Variants in RHOA observed in about 807,000 individuals in gnomAD.
RHOA encodes the protein transforming protein RhoA.
RHOA carries 3 observed loss-of-function variants against 17.5 expected under a neutral mutation model. That is an observed-to-expected ratio of 0.17 (90% CI 0.08 to 0.44). RHOA has a LOEUF of 0.44. Ranked by LOEUF, RHOA falls within the 20% of genes least tolerant of loss-of-function variation. The probability of loss-of-function intolerance (pLI) is 0.99; values close to 1 mark genes in which losing one functional copy is unlikely to be tolerated. For missense variants in RHOA, 56 were observed against 242.3 expected (o/e 0.23, Z 5.10); for synonymous variants, 98 against 88.4 (o/e 1.11, Z -0.61).
intron 3 of RHOA, 86 bp downstream of exon 3, chr3:49,368,342 C>T (rs149042948): frequency 2.0e-5 from 30 of 1,509,724 alleles, no homozygotes; most frequent in African/African-American, 2.8e-5. Context: ...AAGTTCATGT[C>T]TGCTTTTCAG....
chr3:49,409,414 A>G (rs1048565672), intron 1 of RHOA, among the ~76,000 whole-genome samples: 1 of 152,040 alleles, frequency 6.6e-6, no homozygotes, highest in Non-Finnish European at 1.5e-5. Flanking sequence ...AATAAATATA[A>G]AACTACAACT....
chr3:49,370,719 A>G (rs1306377956), intron 2 of RHOA, among the ~76,000 whole-genome samples: 4 of 152,102 alleles, frequency 2.6e-5, no homozygotes, highest in Middle Eastern at 3.2e-3. Flanking sequence ...GTCCCATTCA[A>G]CACTGCCCAG....
chr3:49,392,234 C>A (rs1381697969), intron 1 of RHOA, among the ~76,000 whole-genome samples: 1 of 152,138 alleles, frequency 6.6e-6, no homozygotes, highest in Non-Finnish European at 1.5e-5. Flanking sequence ...GAGCTCGAGA[C>A]CAGCCTGGGC....
At chr3:49,409,330 C>A (rs1393270011) in intron 1 of RHOA, among the ~76,000 whole-genome samples, 1 of 151,816 alleles carries the variant, frequency 6.6e-6, no homozygotes, top group Admixed American at 6.6e-5. Context: ...AGGAGGCAGA[C>A]GGTGCAGTGA....
intron 1 of RHOA, among the ~76,000 whole-genome samples, chr3:49,383,032 C>T (rs771988849): frequency 6.7e-6 from 1 of 149,716 alleles, no homozygotes; most frequent in Admixed American, 6.7e-5. Context: ...CCAGCCTGGG[C>T]GACAAGAGCA....
chr3:49,400,626 T>C (rs2048706847), intron 1 of RHOA, among the ~76,000 whole-genome samples: 1 of 151,850 alleles, frequency 6.6e-6, no homozygotes, highest in African/African-American at 2.4e-5. Flanking sequence ...GAGGCTGAGG[T>C]AGCTGGATCC....
In RHOA at chr3:49,405,569, G is replaced by A. The variant is rs74760096; in HGVS notation, c.-3+6251C>T. Among the ~76,000 whole-genome samples the A allele has an allele frequency of 7.8e-3, 1,188 of 152,248 alleles. 18 individuals carry two copies. The highest frequency in any genetic ancestry group is 0.026 in the African/African-American group (1,083 of 41,540). ...AGAAGAAAAAAACTGAATTACAAAG[G>A]AGACATACTACTGCCAAGGGTCTCA... On this transcript the variant is annotated intron_variant, in intron 1 of 4. Transcript: ENST00000418115.
At chr3:49,376,912 T>C (rs1415016990) in intron 1 of RHOA, among the ~76,000 whole-genome samples, 4 of 151,748 alleles carry the variant, frequency 2.6e-5, no homozygotes, top group African/African-American at 9.7e-5. Context: ...GCAGATCACC[T>C]GAGGTCAGGA....
rs372122347 is a variant in RHOA at position 49,360,206 on chromosome 3, G to A, written c.*3C>T. ...GCATAAGGGCTGTGCTTGCAGCAAG[G>A]TTTCACAAGACAAGGCACCCAGATT... On this transcript the variant is annotated 3_prime_UTR_variant, in exon 5 of 5. Transcript: ENST00000418115. The A allele has an allele frequency of 6.2e-7, 1 of 1,612,726 alleles. No individual in the cohort carries two copies. The highest frequency in any genetic ancestry group is 2.2e-5 in the East Asian group (1 of 44,862).
At chr3:49,389,187 A>C (rs958509550) in intron 1 of RHOA, among the ~76,000 whole-genome samples, 1 of 146,512 alleles carries the variant, frequency 6.8e-6, no homozygotes, top group Non-Finnish European at 1.5e-5. Flanking sequence ...ACAAAAATAC[A>C]AAAAAAAAAA....
chr3:49,371,919 T>C (rs142916859), intron 2 of RHOA, among the ~76,000 whole-genome samples: 6 of 152,276 alleles, frequency 3.9e-5, no homozygotes, highest in African/African-American at 1.2e-4. Flanking sequence ...AAAACATACA[T>C]ACTGCCACAG....
chr3:49,363,467 A>C (rs1284822314), intron 3 of RHOA, among the ~76,000 whole-genome samples: 1 of 151,972 alleles, frequency 6.6e-6, no homozygotes, highest in Non-Finnish European at 1.5e-5. Context: ...GGGCGTGGTG[A>C]CTCATACTTG....
intron 2 of RHOA, chr3:49,373,491 G>A (rs1575651800): frequency 6.5e-6 from 1 of 154,674 alleles, no homozygotes; most frequent in African/African-American, 2.4e-5. Flanking sequence ...TAGTTTTAGG[G>A]GTTTTTTCCT....
chr3:49,378,976 T>TA (rs1190789829), intron 1 of RHOA, among the ~76,000 whole-genome samples: 1 of 152,056 alleles, frequency 6.6e-6, no homozygotes, highest in Non-Finnish European at 1.5e-5. Context: ...CTAATCCAAT[T>TA]AAAAAATGAG....
intron 4 of RHOA, 135 bp downstream of exon 4, chr3:49,362,347 CCCAATTAATGAGGG>C: frequency 1.4e-6 from 1 of 706,964 alleles, no homozygotes; most frequent in East Asian, 2.8e-5. Context: ...CTGTGAAGAT[CCCAATTAATGAGGG>C]TCAGAGGGCC....
At chr3:49,362,077 C>A (rs972286304) in intron 4 of RHOA, among the ~76,000 whole-genome samples, 1 of 151,608 alleles carries the variant, frequency 6.6e-6, no homozygotes, top group African/African-American at 2.4e-5. Flanking sequence ...GTCCCAGCTA[C>A]TCGGGAGTCT....
chr3:49,370,292 G>A (rs960199445), intron 2 of RHOA, among the ~76,000 whole-genome samples: 1 of 152,014 alleles, frequency 6.6e-6, no homozygotes, highest in African/African-American at 2.4e-5. Context: ...TGAACCAAGT[G>A]GCATAATTCA....
At chr3:49,373,460 T>G (rs187520478) in intron 2 of RHOA, 1 of 154,818 alleles carries the variant, frequency 6.5e-6, no homozygotes, top group Non-Finnish European at 1.5e-5. Context: ...AATGAGAATG[T>G]TGGAGAAGAG....
intron 2 of RHOA, among the ~76,000 whole-genome samples, chr3:49,369,180 C>T (rs1444259150): frequency 1.3e-5 from 2 of 149,934 alleles, no homozygotes; most frequent in African/African-American, 2.5e-5. Flanking sequence ...CCCGCCACCA[C>T]GCTTGGCTAA....
Sources: gnomAD v4.1 joint callset for allele counts (sites outside exome capture counted in the v4.1 genomes callset) on GRCh38, gnomAD v4.1.1 for gene constraint, MANE v1.5 for transcripts, NCBI Gene and HGNC (gene_info 2026-07-23, HGNC 2026-07-21) for gene names.